Variants in CAMK2D observed in about 807,000 individuals in gnomAD.
CAMK2D encodes the protein calcium/calmodulin-dependent protein kinase type II subunit delta.
In CAMK2D, 37 loss-of-function variants were observed where a neutral mutation model predicts 84.0. That is an observed-to-expected ratio of 0.44 (90% CI 0.34 to 0.58). CAMK2D has a LOEUF of 0.58. Ranked by LOEUF, CAMK2D falls within the 20% of genes least tolerant of loss-of-function variation. The pLI is 0.02. For synonymous variants in CAMK2D, 202 were observed against 212.5 expected, an observed-to-expected ratio of 0.95 and a Z score of 0.43; for missense variants, 448 against 652.5, an observed-to-expected ratio of 0.69 and a Z score of 3.41.
intron 15 of CAMK2D, 105 bp from the exon 16 acceptor site, chr4:113,500,616 G>C (rs1442718644): frequency 1.5e-6 from 1 of 655,070 alleles, no homozygotes; most frequent in African/African-American, 1.8e-5. Flanking sequence ...TCTTCAGCAG[G>C]CTATGTGCAT....
chr4:113,661,728 T>A lies in CAMK2D; in HGVS notation c.205A>T (p.Lys69Ter). 1 of 1,491,822 alleles carries A rather than the reference T, an allele frequency of 6.7e-7. No homozygotes were observed. Among genetic ancestry groups the A allele is most frequent in the South Asian group, 1.3e-5 (1 of 78,812 alleles). The allele number at this position is 1,491,822 out of a possible 1,614,324, so 92.4% of individuals were successfully genotyped here. A position where few individuals can be genotyped will look rare whatever the true frequency, so the allele number is the denominator to read the frequency against. The stretch of plus-strand genomic sequence containing the variant: ...ACGTTCTCACCAATATTAGGGTGCT[T>A]CAAAAGACGGCAGATTCTAGCTTCT... ...EREARICRLL[K>*]HPNIVRLHDS... Residue 69 changes from lysine to a stop codon, truncating the protein, a stop_gained, in exon 3 of 21, where the codon AAG becomes TAG. Transcript: ENST00000511664. LOFTEE classifies it high-confidence loss of function.
intron 4 of CAMK2D, among the ~76,000 whole-genome samples, chr4:113,556,772 T>C (rs977808267): frequency 6.6e-6 from 1 of 152,124 alleles, no homozygotes; most frequent in African/African-American, 2.4e-5. Flanking sequence ...TGGGTCTCCT[T>C]AGCACCATGT....
chr4:113,495,646 C>G (rs2097918091), intron 16 of CAMK2D, among the ~76,000 whole-genome samples: 1 of 152,112 alleles, frequency 6.6e-6, no homozygotes, highest in Non-Finnish European at 1.5e-5. Flanking sequence ...ATAAGGGTGC[C>G]AACAACTTTG....
At chr4:113,638,968 C>G (rs892269835) in intron 3 of CAMK2D, among the ~76,000 whole-genome samples, 1 of 151,818 alleles carries the variant, frequency 6.6e-6, no homozygotes, top group African/African-American at 2.4e-5. Context: ...GTAGGTTTGG[C>G]ACGGTGGTTC....
In CAMK2D at chr4:113,656,584, A is replaced by G. The variant is rs539420674; in HGVS notation, c.220+5129T>C. Among the ~76,000 whole-genome samples, 292 of 152,220 alleles carry G rather than the reference A, an allele frequency of 1.9e-3. 1 individual carries two copies. The highest frequency in any genetic ancestry group is 6.8e-3 in the African/African-American group (283 of 41,550). ...CCCATTGCATGTAGAATGAAACCCA[A>G]ACTCCCAAATCTGGTTAACGAAACC... On this transcript the variant is annotated intron_variant, in intron 3 of 20. Coordinates refer to ENST00000511664, the MANE Select transcript of CAMK2D (RefSeq NM_001321571.2).
At chr4:113,465,470 T>C in intron 17 of CAMK2D, 59 bp downstream of exon 17, 2 of 937,032 alleles carry the variant, frequency 2.1e-6, no homozygotes, top group Non-Finnish European at 3.4e-6. Flanking sequence ...GAATAATGCA[T>C]TCATATAAAA....
intron 2 of CAMK2D, among the ~76,000 whole-genome samples, chr4:113,693,671 A>G (rs2099394767): frequency 6.6e-6 from 1 of 152,182 alleles, no homozygotes; most frequent in South Asian, 2.1e-4. Flanking sequence ...TCAGGACCTA[A>G]TAACTTAAAA....
intron 3 of CAMK2D, among the ~76,000 whole-genome samples, chr4:113,659,438 A>G (rs1321666457): frequency 6.6e-6 from 1 of 152,192 alleles, no homozygotes; most frequent in African/African-American, 2.4e-5. Flanking sequence ...TGACTGTATT[A>G]TTTGCATATA....
chr4:113,577,503 C>T (rs1031356335), intron 4 of CAMK2D, among the ~76,000 whole-genome samples: 1 of 152,196 alleles, frequency 6.6e-6, no homozygotes, highest in Non-Finnish European at 1.5e-5. Context: ...AGTCTTCTCA[C>T]TGTCACTAAT....
intron 4 of CAMK2D, among the ~76,000 whole-genome samples, chr4:113,558,537 CA>C (rs1344624908): frequency 6.6e-6 from 1 of 152,104 alleles, no homozygotes; most frequent in East Asian, 1.9e-4. Context: ...AGGTTATAGG[CA>C]AATACAGTAT....
intron 2 of CAMK2D, among the ~76,000 whole-genome samples, chr4:113,705,804 A>G (rs2154351420): frequency 6.6e-6 from 1 of 152,304 alleles, no homozygotes; most frequent in Middle Eastern, 3.4e-3. Flanking sequence ...AGCCTCCTCA[A>G]CATTTTAAAA....
chr4:113,715,894 C>G (rs938684626), intron 2 of CAMK2D, among the ~76,000 whole-genome samples: 1 of 152,100 alleles, frequency 6.6e-6, no homozygotes, highest in African/African-American at 2.4e-5. Context: ...TATTACACAC[C>G]TAGAGAACCA....
chr4:113,669,222 A>G (rs1247859629), intron 2 of CAMK2D, among the ~76,000 whole-genome samples: 1 of 152,188 alleles, frequency 6.6e-6, no homozygotes, highest in Non-Finnish European at 1.5e-5. Context: ...AAAATTATAA[A>G]CTATAGTGAA....
intron 7 of CAMK2D, among the ~76,000 whole-genome samples, chr4:113,532,009 G>A (rs2098461802): frequency 6.6e-6 from 1 of 152,052 alleles, no homozygotes. Context: ...TCATTTGGAA[G>A]TTTTCTTTAA....
intron 4 of CAMK2D, among the ~76,000 whole-genome samples, chr4:113,584,661 G>T (rs535518513): frequency 3.3e-5 from 5 of 152,082 alleles, no homozygotes; most frequent in African/African-American, 1.2e-4. Flanking sequence ...TCCAGAGAAG[G>T]GGGTGTACCT....
At chr4:113,508,376 A>G (rs891040711) in intron 13 of CAMK2D, 143 of 764,712 alleles carry the variant, frequency 1.9e-4, no homozygotes, top group East Asian at 1.2e-3. Flanking sequence ...AAGAGGAGCT[A>G]TAAGTTGAAT....
At chr4:113,458,540 T>A (rs188826746) in intron 18 of CAMK2D, among the ~76,000 whole-genome samples, 23 of 152,352 alleles carry the variant, frequency 1.5e-4, no homozygotes, top group African/African-American at 5.3e-4. Context: ...GTTAAAATAT[T>A]AATGAGTTAA....
intron 3 of CAMK2D, among the ~76,000 whole-genome samples, chr4:113,639,581 A>G (rs540723152): frequency 6.6e-6 from 1 of 152,176 alleles, no homozygotes; most frequent in East Asian, 1.9e-4. Flanking sequence ...CTAGAATACC[A>G]ATTAGGGGCA....
intron 4 of CAMK2D, among the ~76,000 whole-genome samples, chr4:113,565,388 C>A (rs550495741): frequency 2.0e-5 from 3 of 152,172 alleles, no homozygotes; most frequent in Non-Finnish European, 2.9e-5. Context: ...TGGTGGCTCA[C>A]GCCTGTAATC....
Sources: gnomAD v4.1 joint callset for allele counts (sites outside exome capture counted in the v4.1 genomes callset) on GRCh38, gnomAD v4.1.1 for gene constraint, MANE v1.5 for transcripts, NCBI Gene and HGNC (gene_info 2026-07-23, HGNC 2026-07-21) for gene names.